The following ZNF571 variants were observed in gnomAD, a reference collection of about 807,000 sequenced individuals.
ZNF571 encodes the protein zinc finger protein 571.
ZNF571 carries 4 observed loss-of-function variants against 7.7 expected under a neutral mutation model. The observed-to-expected ratio is 0.52, with a 90% confidence interval of 0.25 to 1.18. ZNF571 has a LOEUF of 1.18. Among genes scored for constraint, ZNF571 ranks in the 50% most tolerant of loss-of-function variants. The probability of loss-of-function intolerance (pLI) is 0.14; values close to 1 mark genes in which losing one functional copy is unlikely to be tolerated. For missense variants in ZNF571, 704 were observed against 726.9 expected (o/e 0.97, Z 0.36); for synonymous variants, 251 against 232.4 (o/e 1.08, Z -0.73).
chr19:37,564,975 G>GT lies in ZNF571; in HGVS notation c.1452dup (p.Arg485ThrfsTer15). On this transcript the variant is annotated frameshift_variant, in exon 4 of 4. Coordinates refer to ENST00000451802, the MANE Select transcript of ZNF571 (RefSeq NM_016536.5). LOFTEE classifies it low-confidence loss of function (END_TRUNC). ...TGATGATATGTAAGTTGTGTAGCAC[G>GT]TACAAAGGTCTTCCCACATTCCTTA... 6.2e-7 allele frequency: 1 copy of GT among 1,613,430 alleles called. No homozygotes were observed. The highest frequency in any genetic ancestry group is 8.5e-7 in the Non-Finnish European group (1 of 1,179,810).
At chr19:37,593,207 G>T (rs536048990) in intron 1 of ZNF571, among the ~76,000 whole-genome samples, 2 of 151,738 alleles carry the variant, frequency 1.3e-5, no homozygotes, top group Non-Finnish European at 2.9e-5. Context: ...CTTATAAGAG[G>T]ATAAAATACA....
chr19:37,589,373 G>A (rs540485832), intron 1 of ZNF571, among the ~76,000 whole-genome samples: 44 of 151,442 alleles, frequency 2.9e-4, no homozygotes, highest in African/African-American at 9.7e-4. Flanking sequence ...GAAAATATGC[G>A]CAACTTAAAT....
intron 3 of ZNF571, among the ~76,000 whole-genome samples, chr19:37,570,242 A>G (rs2043006039): frequency 6.6e-6 from 1 of 152,132 alleles, no homozygotes; most frequent in Non-Finnish European, 1.5e-5. Flanking sequence ...TCCATGTCCT[A>G]CTTCACTCCA....
chr19:37,578,361 A>C (rs956667726), intron 3 of ZNF571, among the ~76,000 whole-genome samples: 1 of 152,132 alleles, frequency 6.6e-6, no homozygotes, highest in African/African-American at 2.4e-5. Flanking sequence ...AAACGGTGAG[A>C]GAGTGAGAGT....
intron 1 of ZNF571, among the ~76,000 whole-genome samples, chr19:37,588,153 T>C (rs1414102797): frequency 1.1e-5 from 1 of 88,710 alleles, no homozygotes; most frequent in African/African-American, 4.2e-5. Context: ...ATAATATATA[T>C]AAAATGATAT....
intron 3 of ZNF571, 188 bp from the exon 4 acceptor site, chr19:37,566,479 A>G: frequency 1.6e-6 from 1 of 626,896 alleles, no homozygotes; most frequent in Non-Finnish European, 2.5e-6. Context: ...GCTTATAGGA[A>G]AGAAGGTAAT....
intron 3 of ZNF571, among the ~76,000 whole-genome samples, chr19:37,581,482 T>G (rs74420919): frequency 6.6e-6 from 1 of 150,584 alleles, no homozygotes; most frequent in Non-Finnish European, 1.5e-5. Context: ...TTTTTTTTTT[T>G]GGAGACATGG....
In ZNF571 at chr19:37,566,184, G is replaced by A; in HGVS notation, c.244C>T (p.Gln82Ter). The part of the protein sequence containing the change: ...NMGKRINHHL[Q>*]YNGLGDNMEC... ...ATATTGTCTCCAAGACCATTGTATT[G>A]AAGGTGATGGTTGATACGTTTCCCC... Residue 82 changes from glutamine to a stop codon, truncating the protein, a stop_gained, in exon 4 of 4, where the codon CAA (glutamine) becomes TAA (stop). Coordinates refer to ENST00000451802, the MANE Select transcript of ZNF571 (RefSeq NM_016536.5). LOFTEE classifies it low-confidence loss of function (END_TRUNC). The A allele has an allele frequency of 6.2e-7, 1 of 1,613,962 alleles. No homozygotes were observed. Among genetic ancestry groups the A allele is most frequent in the South Asian group, 1.1e-5 (1 of 91,072 alleles).
At chr19:37,585,999 C>G (rs1035558930) in intron 2 of ZNF571, 3 of 152,224 alleles carry the variant, frequency 2.0e-5, no homozygotes, top group African/African-American at 7.2e-5. Context: ...AACAGATTCT[C>G]CAGTCCTCTA....
At chr19:37,571,964 ATC>A (rs2043070267) in intron 3 of ZNF571, among the ~76,000 whole-genome samples, 1 of 152,248 alleles carries the variant, frequency 6.6e-6, no homozygotes, top group Non-Finnish European at 1.5e-5. Context: ...TTTAAATTAT[ATC>A]TTTTTTTATG....
In ZNF571 at chr19:37,565,737, C is replaced by G. The variant is rs887958677; in HGVS notation, c.691G>C (p.Ala231Pro). The G allele has an allele frequency of 6.2e-7, 1 of 1,613,878 alleles. No individual in the cohort carries two copies. Among genetic ancestry groups the G allele is most frequent in the Non-Finnish European group, 8.5e-7 (1 of 1,179,924 alleles). Reference protein sequence around the residue: ...KPYQCNACGKAFIRGSQLTEH... With the variant: ...KPYQCNACGKPFIRGSQLTEH... The stretch of plus-strand genomic sequence containing the variant: ...GTGAGCTGTGAACCACGAATAAAAG[C>G]TTTCCCACATGCGTTACACTGATAA... Residue 231 changes from alanine to proline, a missense_variant, in exon 4 of 4, where the codon GCT (alanine) becomes CCT (proline). By Grantham distance (27) the Ala-to-Pro change is conservative. Transcript: ENST00000451802.
Position 37,564,694 on chromosome 19 carries a change from C to A in ZNF571, c.1734G>T (p.Arg578Ser). Residue 578 changes from arginine to serine, a missense_variant, in exon 4 of 4, where the codon AGG becomes AGT. Coordinates refer to ENST00000451802, the MANE Select transcript of ZNF571 (RefSeq NM_016536.5). Reference sequence around the variant, plus strand: ...TATAGGGTTTCTCACCAGTATGGATCCTTTGATGCAGAGTAAGTTCTGAGC... The same window carrying A: ...TATAGGGTTTCTCACCAGTATGGATACTTTGATGCAGAGTAAGTTCTGAGC... Reference protein sequence around the residue: ...SRGSELTLHQRIHTGEKPYTC... With the variant: ...SRGSELTLHQSIHTGEKPYTC... The A allele has an allele frequency of 6.2e-7, 1 of 1,613,490 alleles. No homozygotes were observed.
At chr19:37,590,016 T>C (rs1182312127) in intron 1 of ZNF571, among the ~76,000 whole-genome samples, 1 of 151,924 alleles carries the variant, frequency 6.6e-6, no homozygotes, top group Non-Finnish European at 1.5e-5. Context: ...CCAGGAATTG[T>C]TTTCCATTAA....
intron 3 of ZNF571, among the ~76,000 whole-genome samples, chr19:37,573,806 C>G (rs2043148606): frequency 6.7e-6 from 1 of 150,068 alleles, no homozygotes; most frequent in African/African-American, 2.5e-5. Flanking sequence ...GCACTCCAGT[C>G]TGCGCAACAG....
chr19:37,580,859 A>G (rs555553476), intron 3 of ZNF571, among the ~76,000 whole-genome samples: 2 of 152,328 alleles, frequency 1.3e-5, no homozygotes, highest in East Asian at 3.9e-4. Context: ...CACGAGCCAA[A>G]TAAACCTCTT....
At chr19:37,567,709 C>T (rs1354453312) in intron 3 of ZNF571, 2 of 152,186 alleles carry the variant, frequency 1.3e-5, no homozygotes, top group East Asian at 3.8e-4. Context: ...GTCAGCTGCT[C>T]AGAAAGACTA....
intron 2 of ZNF571, among the ~76,000 whole-genome samples, chr19:37,584,369 C>A (rs540974286): frequency 1.3e-5 from 2 of 152,144 alleles, no homozygotes; most frequent in Non-Finnish European, 2.9e-5. Flanking sequence ...ATACTGCAAG[C>A]GTTTTCTTCA....
chr19:37,571,269 C>T (rs371600644), intron 3 of ZNF571, among the ~76,000 whole-genome samples: 151 of 152,092 alleles, frequency 9.9e-4, no homozygotes, highest in African/African-American at 3.3e-3. Context: ...CTGAGGTGGG[C>T]AGATCACCTC....
intron 2 of ZNF571, 200 bp downstream of exon 2, chr19:37,586,468 A>G (rs2043676321): frequency 1.6e-6 from 1 of 620,572 alleles, no homozygotes; most frequent in Non-Finnish European, 2.9e-6. Flanking sequence ...CTGCTGAATG[A>G]ATATCTGAAA....
Sources: allele counts gnomAD v4.1 joint callset (sites outside exome capture counted in the v4.1 genomes callset), GRCh38; gene constraint gnomAD v4.1.1; transcripts MANE v1.5; gene names NCBI Gene and HGNC (gene_info 2026-07-23, HGNC 2026-07-21).